MEGF11: variants seen among roughly 807,000 people sequenced by gnomAD.
MEGF11 encodes multiple EGF like domains 11.
A neutral mutation model predicts 146.6 loss-of-function variants in MEGF11; 126 were observed. The ratio of observed to expected loss-of-function variants is 0.86; its 90% CI spans 0.74 to 1.00. MEGF11 has a LOEUF of 1.00. Ranked by LOEUF, MEGF11 falls within the 50% of genes least tolerant of loss-of-function variation. The pLI is 0.00. For synonymous variants in MEGF11, 532 were observed against 583.4 expected (o/e 0.91, Z 1.27); for missense variants, 1,509 against 1,521.2 (o/e 0.99, Z 0.13).
chr15:65,921,957 C>T (rs1421344650), intron 15 of MEGF11: 1 of 217,870 alleles, frequency 4.6e-6, no homozygotes, highest in Non-Finnish European at 9.3e-6. Flanking sequence ...GAGCCAGCTC[C>T]TCTGCACTCC....
chr15:66,072,616 G>A (rs1049918141), intron 5 of MEGF11, among the ~76,000 whole-genome samples: 8 of 152,188 alleles, frequency 5.3e-5, no homozygotes, highest in Admixed American at 1.3e-4. Context: ...CTGAGTGAGC[G>A]AATGAATGAA....
At chr15:65,939,587 C>G (rs1013457171) in intron 10 of MEGF11, among the ~76,000 whole-genome samples, 2 of 151,796 alleles carry the variant, frequency 1.3e-5, no homozygotes, top group African/African-American at 4.8e-5. Flanking sequence ...CTCCACCTCC[C>G]GGGTTCAAGC....
intron 24 of MEGF11, among the ~76,000 whole-genome samples, chr15:65,900,627 T>C (rs1407849395): frequency 6.6e-6 from 1 of 152,230 alleles, no homozygotes; most frequent in African/African-American, 2.4e-5. Flanking sequence ...TCTCTCCTTC[T>C]CCTCTCATTG....
At chr15:66,212,198 A>C (rs987563236) in intron 1 of MEGF11, among the ~76,000 whole-genome samples, 8 of 152,058 alleles carry the variant, frequency 5.3e-5, no homozygotes, top group Non-Finnish European at 1.0e-4. Context: ...AGGGCAAGGA[A>C]GGGCAACAAG....
At chr15:66,219,077 T>C (rs537503071) in intron 1 of MEGF11, among the ~76,000 whole-genome samples, 1 of 150,910 alleles carries the variant, frequency 6.6e-6, no homozygotes, top group African/African-American at 2.4e-5. Context: ...TGTTTATATA[T>C]TTAAATTCAA....
At chr15:65,978,929 A>G (rs939803458) in intron 7 of MEGF11, among the ~76,000 whole-genome samples, 1 of 151,678 alleles carries the variant, frequency 6.6e-6, no homozygotes, top group Non-Finnish European at 1.5e-5. Context: ...AAAGGAAGGT[A>G]TTGACAGACC....
At chr15:66,193,844 G>A (rs560577870) in intron 1 of MEGF11, among the ~76,000 whole-genome samples, 1 of 152,100 alleles carries the variant, frequency 6.6e-6, no homozygotes, top group South Asian at 2.1e-4. Flanking sequence ...CTGGAGGACT[G>A]TAAGCTCCAT....
chr15:65,950,029 T>C (rs1285606016), intron 10 of MEGF11, among the ~76,000 whole-genome samples: 1 of 152,106 alleles, frequency 6.6e-6, no homozygotes, highest in African/African-American at 2.4e-5. Context: ...ACTGCTTCCT[T>C]TCTCTCACCC....
chr15:66,117,718 G>T (rs1478630110), intron 4 of MEGF11, among the ~76,000 whole-genome samples: 1 of 151,466 alleles, frequency 6.6e-6, no homozygotes, highest in African/African-American at 2.4e-5. Flanking sequence ...CAGCAGGAAA[G>T]CCTTAGTACT....
intron 1 of MEGF11, among the ~76,000 whole-genome samples, chr15:66,177,398 T>A (rs2090413773): frequency 6.6e-6 from 1 of 152,190 alleles, no homozygotes; most frequent in African/African-American, 2.4e-5. Context: ...GTGTTTAATT[T>A]GTGGTGACTA....
At chr15:66,171,695 C>A (rs994188157) in intron 1 of MEGF11, among the ~76,000 whole-genome samples, 1 of 151,754 alleles carries the variant, frequency 6.6e-6, no homozygotes, top group African/African-American at 2.4e-5. Flanking sequence ...AGAACCCCCA[C>A]GCAACGCTCC....
At chr15:66,009,110 C>A (rs2082618778) in intron 5 of MEGF11, among the ~76,000 whole-genome samples, 1 of 152,204 alleles carries the variant, frequency 6.6e-6, no homozygotes, top group South Asian at 2.1e-4. Flanking sequence ...GTCTTAATTA[C>A]TTGCATGTAC....
chr15:66,017,103 C>T (rs2082914691), intron 5 of MEGF11, among the ~76,000 whole-genome samples: 1 of 152,210 alleles, frequency 6.6e-6, no homozygotes, highest in South Asian at 2.1e-4. Context: ...CGGGTGAGTG[C>T]GATCGATTAA....
At chr15:66,199,392 G>A (rs543654827) in intron 1 of MEGF11, among the ~76,000 whole-genome samples, 12 of 152,128 alleles carry the variant, frequency 7.9e-5, no homozygotes, top group South Asian at 4.2e-4. Context: ...CTCCACGTCC[G>A]TCAAGTCTCC....
intron 1 of MEGF11, among the ~76,000 whole-genome samples, chr15:66,157,673 C>T (rs115766844): frequency 0.025 from 3,786 of 152,226 alleles, 148 homozygotes; most frequent in African/African-American, 0.084. Context: ...GTCCTGCAGA[C>T]GCCTGACAGA....
intron 10 of MEGF11, among the ~76,000 whole-genome samples, chr15:65,931,895 C>G (rs1567163514): frequency 6.6e-6 from 1 of 152,224 alleles, no homozygotes. Flanking sequence ...TCTCACCTAA[C>G]AGATAACTGC....
intron 5 of MEGF11, among the ~76,000 whole-genome samples, chr15:65,992,399 G>A (rs1007146982): frequency 2.8e-5 from 4 of 144,002 alleles, no homozygotes; most frequent in South Asian, 2.3e-4. Context: ...AGGGCTGCAG[G>A]AATCCCTATT....
chr15:66,194,723 T>G (rs1191847104), intron 1 of MEGF11, among the ~76,000 whole-genome samples: 1 of 152,136 alleles, frequency 6.6e-6, no homozygotes, highest in Admixed American at 6.5e-5. Flanking sequence ...CAGTGTACAC[T>G]GCTTGGGTGA....
intron 5 of MEGF11, among the ~76,000 whole-genome samples, chr15:66,001,318 G>A (rs2082360772): frequency 6.6e-6 from 1 of 152,126 alleles, no homozygotes; most frequent in Non-Finnish European, 1.5e-5. Flanking sequence ...TGGCTGGTAT[G>A]AGGAAGGGAG....
Sources: allele counts gnomAD v4.1 joint callset (sites outside exome capture counted in the v4.1 genomes callset), GRCh38; gene constraint gnomAD v4.1.1; transcripts MANE v1.5; gene names NCBI Gene and HGNC (gene_info 2026-07-23, HGNC 2026-07-21).